GRIK2: variants seen among roughly 807,000 people sequenced by gnomAD.
GRIK2 encodes glutamate receptor ionotropic, kainate 2.
GRIK2 carries 32 observed loss-of-function variants against 100.3 expected under a neutral mutation model. The ratio of observed to expected loss-of-function variants is 0.32; its 90% CI spans 0.24 to 0.43. The LOEUF is 0.43. Ranked by LOEUF, GRIK2 falls within the 20% of genes least tolerant of loss-of-function variation. GRIK2 has a pLI of 1.00. For synonymous variants in GRIK2, 417 were observed against 389.4 expected (o/e 1.07, Z -0.83); for missense variants, 843 against 1,114.9 (o/e 0.76, Z 3.47).
intron 14 of GRIK2, among the ~76,000 whole-genome samples, chr6:101,986,395 G>C (rs1794017457): frequency 6.6e-6 from 1 of 151,802 alleles, no homozygotes; most frequent in African/African-American, 2.4e-5. Context: ...AGTTAATGTG[G>C]TAGTGTGATT....
intron 14 of GRIK2, among the ~76,000 whole-genome samples, chr6:101,994,786 T>C (rs372989957): frequency 2.8e-4 from 43 of 151,980 alleles, no homozygotes; most frequent in African/African-American, 9.4e-4. Context: ...GAATTGATAA[T>C]TAATTGTGCC....
intron 11 of GRIK2, among the ~76,000 whole-genome samples, chr6:101,888,629 AC>A (rs1786828822): frequency 6.6e-6 from 1 of 152,080 alleles, no homozygotes; most frequent in Admixed American, 6.6e-5. Flanking sequence ...ATGCACAAAA[AC>A]ACACACAGAG....
chr6:101,898,790 G>A (rs1787650388), intron 12 of GRIK2, among the ~76,000 whole-genome samples: 1 of 151,854 alleles, frequency 6.6e-6, no homozygotes, highest in African/African-American at 2.4e-5. Context: ...TATTAGTATT[G>A]TTTTTTCATA....
rs574985674 is a variant in GRIK2 at position 102,035,469 on chromosome 6, G to A, written c.2214G>A (p.Glu738=). The change falls in exon 15 of 17, where the codon GAG becomes GAA. Residue 738 remains glutamate (E), a synonymous_variant. Coordinates refer to ENST00000369134, the MANE Select transcript of GRIK2 (RefSeq NM_021956.5). The part of the protein sequence containing the change: ...VLTSDYAFLM[E]STTIEFVTQR... ...CCTCTGATTATGCTTTCCTAATGGAGTCAACAACCATCGAGTTTGTTACCC... is the reference window on the plus strand; with the variant it reads ...CCTCTGATTATGCTTTCCTAATGGAATCAACAACCATCGAGTTTGTTACCC... 1.9e-6 allele frequency: 3 copies of A among 1,609,416 alleles called. No individual in the cohort carries two copies. The East Asian group carries it at 6.7e-5, about 36-fold the overall frequency.
At chr6:101,593,113 G>T (rs1425698303) in intron 2 of GRIK2, among the ~76,000 whole-genome samples, 1 of 151,876 alleles carries the variant, frequency 6.6e-6, no homozygotes, top group Non-Finnish European at 1.5e-5. Context: ...GGTGTTTGAA[G>T]GTGTTTGATA....
chr6:102,052,208 T>G (rs1771235270), intron 15 of GRIK2, among the ~76,000 whole-genome samples: 1 of 152,194 alleles, frequency 6.6e-6, no homozygotes, highest in Non-Finnish European at 1.5e-5. Flanking sequence ...ATCAAATAAG[T>G]AATAATTCAT....
At chr6:101,483,097 T>C (rs1205890883) in intron 2 of GRIK2, among the ~76,000 whole-genome samples, 3 of 152,196 alleles carry the variant, frequency 2.0e-5, no homozygotes, top group Non-Finnish European at 4.4e-5. Flanking sequence ...TACAAATGCA[T>C]TGTGGCAGTC....
intron 13 of GRIK2, among the ~76,000 whole-genome samples, chr6:101,927,589 A>G (rs745859989): frequency 6.6e-6 from 1 of 152,102 alleles, no homozygotes; most frequent in Non-Finnish European, 1.5e-5. Flanking sequence ...AATTGGTAGG[A>G]TTTTGTTTTA....
At chr6:101,850,958 G>A (rs1347067186) in intron 10 of GRIK2, among the ~76,000 whole-genome samples, 1 of 152,098 alleles carries the variant, frequency 6.6e-6, no homozygotes, top group East Asian at 1.9e-4. Flanking sequence ...GAGAAAGAGA[G>A]CTTAAAGGAG....
chr6:101,542,413 A>G (rs955957611), intron 2 of GRIK2, among the ~76,000 whole-genome samples: 4 of 152,066 alleles, frequency 2.6e-5, no homozygotes, highest in Admixed American at 6.6e-5. Flanking sequence ...TTTGCATTTT[A>G]TGGTCACCTA....
At chr6:101,497,969 A>G (rs1194665619) in intron 2 of GRIK2, among the ~76,000 whole-genome samples, 2 of 149,174 alleles carry the variant, frequency 1.3e-5, no homozygotes, top group East Asian at 4.1e-4. Flanking sequence ...TGCACCCATT[A>G]ACTCATCATT....
At chr6:101,801,292 C>G (rs1444840878) in intron 8 of GRIK2, among the ~76,000 whole-genome samples, 1 of 151,912 alleles carries the variant, frequency 6.6e-6, no homozygotes, top group African/African-American at 2.4e-5. Flanking sequence ...AGCCATTAGG[C>G]TAAAAATATT....
chr6:101,573,754 A>G (rs1273353148), intron 2 of GRIK2, among the ~76,000 whole-genome samples: 2 of 152,104 alleles, frequency 1.3e-5, no homozygotes, highest in African/African-American at 4.8e-5. Context: ...ACAGGGGCTC[A>G]TGTAACCTGT....
chr6:101,791,849 T>C (rs1162743905), intron 7 of GRIK2, among the ~76,000 whole-genome samples: 1 of 151,526 alleles, frequency 6.6e-6, no homozygotes, highest in East Asian at 1.9e-4. Flanking sequence ...TCTAAGTCTC[T>C]TTTTAGGTCA....
At chr6:101,512,604 T>C (rs1420877589) in intron 2 of GRIK2, among the ~76,000 whole-genome samples, 1 of 152,176 alleles carries the variant, frequency 6.6e-6, no homozygotes, top group African/African-American at 2.4e-5. Context: ...CAAAATGCTG[T>C]CAAATATGTC....
At chr6:101,813,240 C>T (rs1781445108) in intron 9 of GRIK2, among the ~76,000 whole-genome samples, 1 of 151,924 alleles carries the variant, frequency 6.6e-6, no homozygotes, top group South Asian at 2.1e-4. Flanking sequence ...AAAATATTCA[C>T]CAATAGCAAA....
intron 7 of GRIK2, among the ~76,000 whole-genome samples, chr6:101,696,495 T>C (rs984698443): frequency 2.6e-5 from 4 of 151,896 alleles, no homozygotes; most frequent in African/African-American, 9.7e-5. Flanking sequence ...ATATAAAGAA[T>C]ATGAATTTTA....
intron 7 of GRIK2, among the ~76,000 whole-genome samples, chr6:101,741,552 G>A (rs755176763): frequency 2.0e-5 from 3 of 152,068 alleles, no homozygotes; most frequent in East Asian, 3.9e-4. Context: ...TTAACAAAAT[G>A]TATTTTTTTA....
chr6:101,516,302 A>G (rs2852541), intron 2 of GRIK2, among the ~76,000 whole-genome samples: 108,589 of 151,934 alleles, frequency 0.71, 39,625 homozygotes, highest in East Asian at 0.91. Context: ...CAAAAAGAAC[A>G]AATCTGGAGA....
Sources: gnomAD v4.1 joint callset for allele counts (sites outside exome capture counted in the v4.1 genomes callset) on GRCh38, gnomAD v4.1.1 for gene constraint, MANE v1.5 for transcripts, NCBI Gene and HGNC (gene_info 2026-07-23, HGNC 2026-07-21) for gene names.